Variants in RNLS observed in about 807,000 individuals in gnomAD.
RNLS encodes renalase.
In RNLS, 39 loss-of-function variants were observed where a neutral mutation model predicts 39.8. The observed-to-expected ratio is 0.98, with a 90% CI of 0.76 to 1.28. RNLS has a LOEUF of 1.28. Ranked by LOEUF, RNLS falls within the 50% of genes most tolerant of loss-of-function variation. The pLI, the probability that RNLS is intolerant of heterozygous loss-of-function variation, is 0.00. For missense variants in RNLS, 410 were observed against 413.3 expected, an observed-to-expected ratio of 0.99 and a Z score of 0.07; for synonymous variants, 147 against 150.7, an observed-to-expected ratio of 0.98 and a Z score of 0.18.
intron 4 of RNLS, among the ~76,000 whole-genome samples, chr10:88,440,555 T>C (rs1218807845): frequency 6.6e-6 from 1 of 152,250 alleles, no homozygotes; most frequent in Non-Finnish European, 1.5e-5. Context: ...GGCCATATCA[T>C]GTCCCCCTAG....
At chr10:88,219,966 C>G in the RNLS span, among the ~76,000 whole-genome samples, 1 of 152,142 alleles carries the variant, frequency 6.6e-6, no homozygotes, top group Non-Finnish European at 1.5e-5. Context: ...GTGTGACGGT[C>G]CCTGAGCTGA....
chr10:88,577,281 A>G (rs889459696), intron 3 of RNLS, among the ~76,000 whole-genome samples: 8 of 152,204 alleles, frequency 5.3e-5, no homozygotes, highest in African/African-American at 1.9e-4. Flanking sequence ...TTCATACTAT[A>G]GGAAAATAAT....
intron 6 of RNLS, among the ~76,000 whole-genome samples, chr10:88,307,766 T>A (rs1471700805): frequency 6.6e-6 from 1 of 152,210 alleles, no homozygotes; most frequent in African/African-American, 2.4e-5. Context: ...CAGCAATTTA[T>A]AGATTCAATG....
intron 4 of RNLS, among the ~76,000 whole-genome samples, chr10:88,386,829 C>T (rs534878671): frequency 6.6e-5 from 10 of 152,256 alleles, no homozygotes; most frequent in African/African-American, 2.4e-4. Flanking sequence ...AAAACAGGAG[C>T]AAAATAACCA....
At chr10:88,225,526 C>A in the RNLS span, among the ~76,000 whole-genome samples, 1 of 152,066 alleles carries the variant, frequency 6.6e-6, no homozygotes, top group Admixed American at 6.6e-5. Context: ...CCAGCCTGGG[C>A]AACATAGCGA....
At chr10:88,206,630 A>G in the RNLS span, among the ~76,000 whole-genome samples, 1 of 152,066 alleles carries the variant, frequency 6.6e-6, no homozygotes, top group African/African-American at 2.4e-5. Context: ...CTTCTCTACA[A>G]CTTTCCTATT....
intron 6 of RNLS, among the ~76,000 whole-genome samples, chr10:88,311,940 G>A (rs560921125): frequency 6.6e-6 from 1 of 152,164 alleles, no homozygotes; most frequent in African/African-American, 2.4e-5. Context: ...TTCCCTTAGG[G>A]AGGCTTGAGC....
chr10:88,504,193 C>T (rs1720317409), intron 4 of RNLS, among the ~76,000 whole-genome samples: 1 of 152,064 alleles, frequency 6.6e-6, no homozygotes, highest in African/African-American at 2.4e-5. Context: ...TTACTTATAA[C>T]AGCAAAACTT....
At chr10:88,559,902 T>G (rs1477013797) in intron 4 of RNLS, among the ~76,000 whole-genome samples, 1 of 152,000 alleles carries the variant, frequency 6.6e-6, no homozygotes, top group Non-Finnish European at 1.5e-5. Context: ...ATGGGAAAAA[T>G]GGCCTGGTCT....
the RNLS span, among the ~76,000 whole-genome samples, chr10:88,262,642 G>A: frequency 0.19 from 29,178 of 152,062 alleles, 2,939 homozygotes; most frequent in South Asian, 0.27. Flanking sequence ...GTAAATTTAG[G>A]CACTACCAAG....
rs77178069 is a variant in RNLS, at chr10:88,427,716, T to A, written c.527-64991A>T. ...CCATAGAACAGAGAGAAATCAGTCA[T>A]ATTCTTAAAGTCATTAAAGGGAAAA... On this transcript the variant is annotated intron_variant, in intron 4 of 6. Transcript: ENST00000331772. Among the ~76,000 whole-genome samples, 1,508 of 152,122 alleles carry A rather than the reference T, an allele frequency of 9.9e-3. 25 individuals carry two copies. The highest frequency in any genetic ancestry group is 0.034 in the African/African-American group (1,430 of 41,534).
chr10:88,528,616 C>T (rs1214757146), intron 4 of RNLS, among the ~76,000 whole-genome samples: 3 of 151,746 alleles, frequency 2.0e-5, no homozygotes, highest in East Asian at 1.9e-4. Context: ...GAGGCCGAGG[C>T]GGGCGGATCA....
At chr10:88,363,235 G>A (rs1402623456) in intron 4 of RNLS, among the ~76,000 whole-genome samples, 2 of 151,416 alleles carry the variant, frequency 1.3e-5, no homozygotes, top group Non-Finnish European at 2.9e-5. Context: ...ACACACTGGG[G>A]TCTGTTGGGG....
chr10:88,276,228 T>C (rs960709915), intron 6 of RNLS, among the ~76,000 whole-genome samples: 1 of 152,206 alleles, frequency 6.6e-6, no homozygotes, highest in Admixed American at 6.5e-5. Flanking sequence ...GTTGTATATG[T>C]ATTTTTCTTA....
intron 4 of RNLS, among the ~76,000 whole-genome samples, chr10:88,551,412 C>A (rs185987731): frequency 6.6e-6 from 1 of 152,302 alleles, no homozygotes; most frequent in East Asian, 1.9e-4. Flanking sequence ...ATGGCAAGAT[C>A]TGAGAACTAT....
intron 5 of RNLS, among the ~76,000 whole-genome samples, chr10:88,353,696 A>T (rs1046539320): frequency 2.6e-5 from 4 of 152,044 alleles, no homozygotes; most frequent in African/African-American, 9.7e-5. Flanking sequence ...TGTTGATTTG[A>T]GGTGGAGAGT....
At chr10:88,335,217 C>CTT (rs201292062) in intron 5 of RNLS, among the ~76,000 whole-genome samples, 3 of 143,252 alleles carry the variant, frequency 2.1e-5, no homozygotes, top group Admixed American at 7.0e-5. Context: ...TTTTCTTTTA[C>CTT]TTTTTTTTTT....
intron 4 of RNLS, among the ~76,000 whole-genome samples, chr10:88,474,629 T>C (rs1843706798): frequency 6.6e-6 from 1 of 152,142 alleles, no homozygotes; most frequent in Admixed American, 6.6e-5. Flanking sequence ...AAAAGGTAGT[T>C]AAGAAAATGT....
intron 4 of RNLS, among the ~76,000 whole-genome samples, chr10:88,561,121 A>G (rs745743228): frequency 2.6e-4 from 39 of 152,136 alleles, no homozygotes; most frequent in Admixed American, 2.1e-3. Context: ...CTTCAAAACC[A>G]AAGTGAGACT....
Sources: gnomAD v4.1 joint callset for allele counts (sites outside exome capture counted in the v4.1 genomes callset) on GRCh38, gnomAD v4.1.1 for gene constraint, MANE v1.5 for transcripts, NCBI Gene and HGNC (gene_info 2026-07-23, HGNC 2026-07-21) for gene names.